Variants in SNTG1 observed in about 807,000 individuals in gnomAD.
The protein encoded by SNTG1 is syntrophin gamma 1.
A neutral mutation model predicts 74.7 loss-of-function variants in SNTG1; 39 were observed. The ratio of observed to expected loss-of-function variants is 0.52; its 90% CI spans 0.40 to 0.68. The LOEUF (loss-of-function observed/expected upper bound fraction) is 0.68. Among genes scored for constraint, SNTG1 ranks in the 30% least tolerant of loss-of-function variants. The pLI is 0.00. For synonymous variants in SNTG1, 254 were observed against 217.1 expected (o/e 1.17, Z -1.49); for missense variants, 685 against 609.5 (o/e 1.12, Z -1.30).
Position 49,985,324 on chromosome 8 carries a change from T to A in SNTG1, c.-103+73093T>A, listed in dbSNP as rs1163210877. 3.3e-5 allele frequency among the ~76,000 whole-genome samples: 5 copies of A among 151,976 alleles called. No individual in the cohort carries two copies. In the South Asian group the frequency reaches 1.0e-3, roughly 32 times the overall value. On this transcript the variant is annotated intron_variant, in intron 1 of 18. Transcript: ENST00000642720. ...CTGGCTATTTTTAAGAGAGATGGAG[T>A]TTCACCGTGTTGGCTAGGCTGGTCC... is the stretch of plus-strand genomic sequence containing the variant.
In SNTG1 at chr8:50,462,794, CTCTTTTTTTTTTTTTTTTTTTT is replaced by C. The variant is rs1286472923; in HGVS notation, c.363+12067_363+12088del. 2.3e-4 allele frequency among the ~76,000 whole-genome samples: 10 copies of C among 43,626 alleles called. 1 individual carries two copies. The South Asian group carries it at 3.4e-3, about 15-fold the overall frequency. 28.6% of individuals were successfully genotyped at this position (43,626 alleles called of 152,430 possible). On this transcript the variant is annotated intron_variant, in intron 8 of 18. Transcript: ENST00000642720. ...AACTCAGTCGCATCTTCAGGTTCTA[CTCTTTTTTTTTTTTTTTTTTTT>C]TTTTTTTTTTTTTTTTTTTGAGACG... is the stretch of plus-strand genomic sequence containing the variant.
At chr8:50,679,332 C>A (rs368161726) in intron 15 of SNTG1, among the ~76,000 whole-genome samples, 2 of 151,994 alleles carry the variant, frequency 1.3e-5, no homozygotes, top group East Asian at 1.9e-4. Flanking sequence ...AATGAACTAG[C>A]CTGATGTTAC....
At chr8:50,056,588 A>T (rs1440543122) in intron 1 of SNTG1, among the ~76,000 whole-genome samples, 1 of 152,194 alleles carries the variant, frequency 6.6e-6, no homozygotes, top group Non-Finnish European at 1.5e-5. Flanking sequence ...CACAAACCAC[A>T]CAAAGCAGGT....
At chr8:50,595,143 A>C (rs919730539) in intron 13 of SNTG1, among the ~76,000 whole-genome samples, 1 of 151,864 alleles carries the variant, frequency 6.6e-6, no homozygotes, top group African/African-American at 2.4e-5. Flanking sequence ...TCAATTTGAG[A>C]AAGAAACTCT....
chr8:49,938,043 A>G (rs1405609147), intron 1 of SNTG1, among the ~76,000 whole-genome samples: 1 of 152,100 alleles, frequency 6.6e-6, no homozygotes, highest in Non-Finnish European at 1.5e-5. Context: ...TTCCCTGGCT[A>G]CAAAAGTAGC....
At chr8:50,053,623 T>TTGTGTGTG (rs60947505) in intron 1 of SNTG1, among the ~76,000 whole-genome samples, 10,261 of 134,222 alleles carry the variant, frequency 0.076, 466 homozygotes, top group Middle Eastern at 0.1. Context: ...ATATATATAA[T>TTGTGTGTG]TGTGTGTGTG....
intron 1 of SNTG1, among the ~76,000 whole-genome samples, chr8:49,938,592 C>T (rs940853652): frequency 2.2e-4 from 4 of 18,102 alleles, no homozygotes; most frequent in African/African-American, 4.8e-4. Flanking sequence ...CTTTTCTTTT[C>T]TTTTCTTTTC....
chr8:50,177,548 T>C (rs886556293), intron 2 of SNTG1, among the ~76,000 whole-genome samples: 4 of 152,146 alleles, frequency 2.6e-5, no homozygotes, highest in Admixed American at 2.0e-4. Context: ...ACAGAGACCC[T>C]GGTTTGCTCA....
At chr8:50,114,591 G>A (rs1468847814) in intron 1 of SNTG1, among the ~76,000 whole-genome samples, 1 of 152,120 alleles carries the variant, frequency 6.6e-6, no homozygotes, top group Non-Finnish European at 1.5e-5. Context: ...ACAAAGCCGG[G>A]CGCAGTGGCT....
intron 18 of SNTG1, among the ~76,000 whole-genome samples, chr8:50,753,625 T>C (rs2095573095): frequency 6.6e-6 from 1 of 151,968 alleles, no homozygotes; most frequent in Admixed American, 6.6e-5. Context: ...CAATTAATTA[T>C]ACTGACAAGT....
intron 1 of SNTG1, among the ~76,000 whole-genome samples, chr8:50,049,147 C>T (rs1048155757): frequency 6.6e-5 from 10 of 151,792 alleles, no homozygotes; most frequent in African/African-American, 1.7e-4. Context: ...TTAGCAAATA[C>T]GCTATACATT....
intron 17 of SNTG1, among the ~76,000 whole-genome samples, chr8:50,712,083 ACT>A (rs2095463118): frequency 1.3e-5 from 2 of 152,148 alleles, no homozygotes; most frequent in African/African-American, 4.8e-5. Flanking sequence ...TCTACAAAAC[ACT>A]CATTTAATTT....
At chr8:50,117,449 T>C (rs1280730649) in intron 1 of SNTG1, among the ~76,000 whole-genome samples, 1 of 152,148 alleles carries the variant, frequency 6.6e-6, no homozygotes, top group Non-Finnish European at 1.5e-5. Flanking sequence ...GTATACAATA[T>C]GTTTTTCTTT....
chr8:50,520,235 C>T (rs555282415), intron 9 of SNTG1, among the ~76,000 whole-genome samples: 3 of 152,244 alleles, frequency 2.0e-5, no homozygotes, highest in East Asian at 1.9e-4. Flanking sequence ...ACTGGCTAGC[C>T]ATATGCAGAA....
chr8:50,635,772 G>C lies in SNTG1; in HGVS notation c.850-21137G>C, dbSNP rs139608506. On this transcript the variant is annotated intron_variant, in intron 13 of 18. Transcript: ENST00000642720. ...AATCAGAGATCCCATGAGCCCACTT[G>C]ATGCTCTAACCCCTGTGGTTGAGCT... Among the ~76,000 whole-genome samples the C allele has an allele frequency of 7.8e-4, 119 of 152,240 alleles. 2 individuals carry two copies. The highest frequency in any genetic ancestry group is 2.5e-3 in the Admixed American group (38 of 15,302).
chr8:50,623,704 T>C (rs1246048490), intron 13 of SNTG1, among the ~76,000 whole-genome samples: 1 of 152,072 alleles, frequency 6.6e-6, no homozygotes, highest in African/African-American at 2.4e-5. Context: ...TTTTTATATA[T>C]TGATTTTAAA....
intron 1 of SNTG1, among the ~76,000 whole-genome samples, chr8:50,051,081 A>G (rs1819530120): frequency 6.6e-6 from 1 of 152,070 alleles, no homozygotes; most frequent in Non-Finnish European, 1.5e-5. Flanking sequence ...TAAGACTGGG[A>G]ACAAGACAAG....
chr8:50,339,307 T>G (rs999030077), intron 2 of SNTG1, among the ~76,000 whole-genome samples: 1 of 151,918 alleles, frequency 6.6e-6, no homozygotes, highest in Non-Finnish European at 1.5e-5. Context: ...AAGAAATTCT[T>G]CAGAGAGAAG....
intron 11 of SNTG1, among the ~76,000 whole-genome samples, chr8:50,544,108 C>T (rs1274441398): frequency 6.6e-6 from 1 of 151,868 alleles, no homozygotes; most frequent in Non-Finnish European, 1.5e-5. Flanking sequence ...ATTTCCTTAC[C>T]TCTTGTAATA....
Sources: gnomAD v4.1 joint callset for allele counts (sites outside exome capture counted in the v4.1 genomes callset) on GRCh38, gnomAD v4.1.1 for gene constraint, MANE v1.5 for transcripts, NCBI Gene and HGNC (gene_info 2026-07-23, HGNC 2026-07-21) for gene names.